CPXM2: variants seen among roughly 807,000 people sequenced by gnomAD.
CPXM2 encodes inactive carboxypeptidase-like protein X2.
A neutral mutation model predicts 86.1 loss-of-function variants in CPXM2; 66 were observed. The ratio of observed to expected loss-of-function variants is 0.77; its 90% confidence interval spans 0.63 to 0.94. The LOEUF is 0.94. CPXM2 is among the 40% of genes least tolerant of loss of function. CPXM2 has a pLI of 0.00. For synonymous variants in CPXM2, 388 were observed against 400.2 expected (o/e 0.97, Z 0.36); for missense variants, 948 against 1,026.3 (o/e 0.92, Z 1.04).
chr10:123,826,320 A>C (rs1268803619), intron 4 of CPXM2, among the ~76,000 whole-genome samples: 1 of 152,130 alleles, frequency 6.6e-6, no homozygotes, highest in Non-Finnish European at 1.5e-5. Context: ...TTCCCAGTTC[A>C]CTCACAGGTA....
At chr10:123,937,777 C>G (rs1945736516) in intron 2 of CPXM2, among the ~76,000 whole-genome samples, 1 of 152,210 alleles carries the variant, frequency 6.6e-6, no homozygotes, top group Middle Eastern at 3.4e-3. Flanking sequence ...CTGTTTTGAA[C>G]ATGGAGGTTT....
intron 2 of CPXM2, among the ~76,000 whole-genome samples, chr10:123,879,576 ATTACT>A (rs1362365082): frequency 1.1e-4 from 16 of 152,200 alleles, no homozygotes; most frequent in Non-Finnish European, 2.2e-4. Flanking sequence ...AATGGCTGTT[ATTACT>A]AATACTAATT....
At chr10:123,763,630 T>C (rs778773638) in intron 10 of CPXM2, among the ~76,000 whole-genome samples, 5 of 152,112 alleles carry the variant, frequency 3.3e-5, no homozygotes, top group Non-Finnish European at 7.4e-5. Flanking sequence ...CACTTAGTTT[T>C]GTGGTTCCCA....
chr10:123,876,442 G>C (rs1944988711), intron 2 of CPXM2, among the ~76,000 whole-genome samples: 1 of 152,134 alleles, frequency 6.6e-6, no homozygotes, highest in South Asian at 2.1e-4. Flanking sequence ...AGCACCATAA[G>C]AAAGAAGCAT....
intron 2 of CPXM2, among the ~76,000 whole-genome samples, chr10:123,911,919 G>A (rs1360916927): frequency 2.6e-5 from 4 of 152,054 alleles, no homozygotes; most frequent in Admixed American, 1.3e-4. Context: ...AGGGGCATAA[G>A]GCAGAAGGAG....
At chr10:123,909,439 G>A (rs1945470950) in intron 2 of CPXM2, among the ~76,000 whole-genome samples, 1 of 152,164 alleles carries the variant, frequency 6.6e-6, no homozygotes, top group African/African-American at 2.4e-5. Context: ...GCCCAGCAAG[G>A]GAAAGCAGCT....
intron 10 of CPXM2, among the ~76,000 whole-genome samples, chr10:123,763,519 T>C (rs1451697220): frequency 6.6e-6 from 1 of 151,808 alleles, no homozygotes; most frequent in Non-Finnish European, 1.5e-5. Flanking sequence ...CCTCAAAATA[T>C]ATCGTTTGGG....
intron 4 of CPXM2, among the ~76,000 whole-genome samples, chr10:123,800,543 C>T (rs1252490539): frequency 2.0e-5 from 3 of 152,074 alleles, no homozygotes; most frequent in East Asian, 3.9e-4. Context: ...TTGTAGCTGC[C>T]GTTCCTTTGC....
rs562103687 is a variant in CPXM2, at chr10:123,751,269, G to C, written c.2017+3394C>G. Among the ~76,000 whole-genome samples, 8 of 152,262 alleles carry C rather than the reference G, an allele frequency of 5.3e-5. No homozygotes were observed. In the South Asian group the frequency reaches 1.7e-3, roughly 32 times the overall value. ...AAGGCTTGGAGCAAACACAATTTGTGGGTAATTAACATTGTCGACCCCCCG... is the reference window on the plus strand; with the variant it reads ...AAGGCTTGGAGCAAACACAATTTGTCGGTAATTAACATTGTCGACCCCCCG... On this transcript the variant is annotated intron_variant, in intron 13 of 13. Transcript: ENST00000241305.
chr10:123,787,800 T>C (rs1847098594), intron 6 of CPXM2, among the ~76,000 whole-genome samples: 1 of 152,090 alleles, frequency 6.6e-6, no homozygotes, highest in African/African-American at 2.4e-5. Context: ...TGCCTGTGAA[T>C]GCTCTATCCA....
chr10:123,923,066 G>A (rs1453931050), intron 2 of CPXM2, among the ~76,000 whole-genome samples: 1 of 152,076 alleles, frequency 6.6e-6, no homozygotes, highest in African/African-American at 2.4e-5. Context: ...CTGGTTCAGG[G>A]GGAAAAGGAG....
chr10:123,925,544 T>C (rs1003926174), intron 2 of CPXM2, among the ~76,000 whole-genome samples: 5 of 152,358 alleles, frequency 3.3e-5, no homozygotes, highest in South Asian at 2.1e-4. Context: ...CACCTTAATT[T>C]GTAAACATCC....
intron 4 of CPXM2, among the ~76,000 whole-genome samples, chr10:123,808,773 AAG>A (rs1272659128): frequency 6.6e-6 from 1 of 152,178 alleles, no homozygotes; most frequent in African/African-American, 2.4e-5. Flanking sequence ...CATAAACAAA[AAG>A]CAACAAACCT....
intron 2 of CPXM2, among the ~76,000 whole-genome samples, chr10:123,937,470 AACAC>A (rs201368456): frequency 0.041 from 5,460 of 132,520 alleles, 127 homozygotes; most frequent in Middle Eastern, 0.068. Context: ...ACAACAAAAC[AACAC>A]ACACACACAC....
At chr10:123,803,305 T>A (rs1052654618) in intron 4 of CPXM2, among the ~76,000 whole-genome samples, 1 of 151,688 alleles carries the variant, frequency 6.6e-6, no homozygotes. Flanking sequence ...AGAGATGGGG[T>A]TTTGCCATGT....
chr10:123,835,680 C>G (rs1297351380), intron 4 of CPXM2, among the ~76,000 whole-genome samples: 1 of 152,218 alleles, frequency 6.6e-6, no homozygotes, highest in Non-Finnish European at 1.5e-5. Context: ...TCTGAAAACA[C>G]ACACACCCTC....
intron 4 of CPXM2, among the ~76,000 whole-genome samples, chr10:123,834,924 A>G (rs74162951): frequency 0.013 from 2,033 of 152,240 alleles, 36 homozygotes; most frequent in African/African-American, 0.046. Flanking sequence ...CCCTCTCCCC[A>G]TGTGATCTCT....
At chr10:123,875,229 C>G (rs780795754) in intron 2 of CPXM2, among the ~76,000 whole-genome samples, 3 of 152,186 alleles carry the variant, frequency 2.0e-5, no homozygotes, top group Non-Finnish European at 4.4e-5. Flanking sequence ...TTTTTAGAGA[C>G]TAAAGAATAA....
chr10:123,861,608 G>A (rs1004976909), intron 3 of CPXM2, among the ~76,000 whole-genome samples: 2 of 152,120 alleles, frequency 1.3e-5, no homozygotes, highest in African/African-American at 4.8e-5. Flanking sequence ...CTCAAAAGGG[G>A]AACAAGAAAT....
Sources: allele counts gnomAD v4.1 joint callset (sites outside exome capture counted in the v4.1 genomes callset), GRCh38; gene constraint gnomAD v4.1.1; transcripts MANE v1.5; gene names NCBI Gene and HGNC (gene_info 2026-07-23, HGNC 2026-07-21).